ZNF587B: variants seen among roughly 807,000 people sequenced by gnomAD.
The protein encoded by ZNF587B is zinc finger protein 587B.
Under a neutral mutation model 7.2 loss-of-function variants are expected in ZNF587B, and 6 were observed. That is an observed-to-expected ratio of 0.83 (90% CI 0.46 to 1.65). The LOEUF is 1.65. ZNF587B is among the 40% of genes most tolerant of loss of function. The pLI, the probability that ZNF587B is intolerant of heterozygous loss-of-function variation, is 0.01. For missense variants in ZNF587B, 749 were observed against 761.0 expected (o/e 0.98, Z 0.19); for synonymous variants, 274 against 254.3 (o/e 1.08, Z -0.74).
Position 57,842,644 on chromosome 19 carries a change from C to A in ZNF587B, c.*68C>A, listed in dbSNP as rs1988906090. 2.2e-6 allele frequency: 3 copies of A among 1,349,310 alleles called. No homozygotes were observed. The highest frequency in any genetic ancestry group is 4.5e-5 in the South Asian group (2 of 44,018). 83.6% of individuals were successfully genotyped at this position (1,349,310 alleles called of 1,614,324 possible). A position where few individuals can be genotyped will look rare whatever the true frequency, so the allele number is the denominator to read the frequency against. On this transcript the variant is annotated 3_prime_UTR_variant, in exon 3 of 3. Transcript: ENST00000594901. ...ACACCTGAGTAAGATCTTGTGATTGCAGCAAATGTGGAAAATGTTTACCCA... is the reference window on the plus strand; with the variant it reads ...ACACCTGAGTAAGATCTTGTGATTGAAGCAAATGTGGAAAATGTTTACCCA...
chr19:57,838,514 T>C (rs1341226686), intron 1 of ZNF587B, among the ~76,000 whole-genome samples: 2 of 152,102 alleles, frequency 1.3e-5, no homozygotes, highest in African/African-American at 4.8e-5. Flanking sequence ...GGCAGAAGAA[T>C]TGCTGGAACC....
Position 57,843,303 on chromosome 19 carries a change from T to C in ZNF587B, c.*727T>C. The C allele has an allele frequency of 1.0e-6, 1 of 985,432 alleles. No homozygotes were observed. The highest frequency in any genetic ancestry group is 1.2e-6 in the Non-Finnish European group (1 of 829,926). 61.0% of individuals were successfully genotyped at this position (985,432 alleles called of 1,614,324 possible). A position where few individuals can be genotyped will look rare whatever the true frequency, so the allele number is the denominator to read the frequency against. On this transcript the variant is annotated 3_prime_UTR_variant, in exon 3 of 3. Transcript: ENST00000594901. ...CACTGTGCTCAGCCAATTATGTTTTTCTGTGTAACATGGGAGGAGATCCTT... is the reference window on the plus strand; with the variant it reads ...CACTGTGCTCAGCCAATTATGTTTTCCTGTGTAACATGGGAGGAGATCCTT...
At position 57,843,066 on chromosome 19, in the gene ZNF587B, G is replaced by A. The variant is rs1490784905; in HGVS notation, c.*490G>A. The A allele has an allele frequency of 1.2e-6, 1 of 820,640 alleles. No homozygotes were observed. The highest frequency in any genetic ancestry group is 1.5e-6 in the Non-Finnish European group (1 of 679,732). The allele number at this position is 820,640 out of a possible 1,614,324, so 50.8% of individuals were successfully genotyped here. A position where few individuals can be genotyped will look rare whatever the true frequency, so the allele number is the denominator to read the frequency against. On this transcript the variant is annotated 3_prime_UTR_variant, in exon 3 of 3. Transcript: ENST00000594901. ...GCTGGTGTGCAGTGCTGCGATCGTA[G>A]CTCACTGCATCCTCCGCCCCCTAGG...
intron 1 of ZNF587B, among the ~76,000 whole-genome samples, chr19:57,837,916 G>C (rs771872562): frequency 6.6e-6 from 1 of 152,086 alleles, no homozygotes; most frequent in Admixed American, 6.6e-5. Context: ...TGCTCTTGAC[G>C]ACATCTGTAG....
At position 57,842,020 on chromosome 19, in the gene ZNF587B, A is replaced by C. The variant is rs1197692734; in HGVS notation, c.1346A>C (p.His449Pro). The C allele has an allele frequency of 6.3e-7, 1 of 1,596,868 alleles. No homozygotes were observed. The highest frequency in any genetic ancestry group is 8.5e-7 in the Non-Finnish European group (1 of 1,171,464). Residue 449 changes from histidine (H) to proline (P), a missense_variant, in exon 3 of 3, where the codon CAC becomes CCC. His to Pro is a moderately conservative substitution (Grantham distance 77). This residue lies in a region of ZNF587B where 656 missense variants were observed against 596.5 expected (regional missense o/e 1.10). Coordinates refer to ENST00000594901, the MANE Select transcript of ZNF587B (RefSeq NM_001376223.1). ...KCGECGKCFS[H>P]KGNLILHQHG... ...GGGGAATGTGGGAAATGTTTTAGTC[A>C]CAAGGGTAACCTCATTCTACACCAG...
In ZNF587B at chr19:57,841,533, C is replaced by T; in HGVS notation, c.859C>T (p.Gln287Ter). 2 of 1,581,700 alleles carry T rather than the reference C, an allele frequency of 1.3e-6. No individual in the cohort carries two copies. The highest frequency in any genetic ancestry group is 2.3e-5 in the East Asian group (1 of 43,168). The change falls in exon 3 of 3, where the codon CAA becomes TAA. Residue 287 changes from glutamine (Q) to a stop codon, truncating the protein, a stop_gained. Coordinates refer to ENST00000594901, the MANE Select transcript of ZNF587B (RefSeq NM_001376223.1). LOFTEE classifies it low-confidence loss of function (END_TRUNC). ...KSFSQKSSLIQHQQFHTGGKP... is the reference protein window; with the variant it reads ...KSFSQKSSLI ...TTTTAGTCAAAAGAGCAGCCTCATT[C>T]AACATCAGCAATTTCACACTGGAGG...
intron 2 of ZNF587B, among the ~76,000 whole-genome samples, chr19:57,840,384 T>A (rs1362411890): frequency 1.3e-5 from 2 of 152,180 alleles, no homozygotes; most frequent in Non-Finnish European, 2.9e-5. Context: ...CTCATCCATT[T>A]TACATATGTC....
chr19:57,843,587 G>GTT lies in ZNF587B; in HGVS notation c.*1012_*1013dup, dbSNP rs1324065807. 3.3e-3 allele frequency: 2,459 copies of GTT among 754,566 alleles called. 66 individuals are homozygous for GTT. The highest frequency in any genetic ancestry group is 3.3e-3 in the East Asian group (21 of 6,390). 46.7% of individuals were successfully genotyped at this position (754,566 alleles called of 1,614,324 possible). On this transcript the variant is annotated 3_prime_UTR_variant, in exon 3 of 3. Coordinates refer to ENST00000594901, the MANE Select transcript of ZNF587B (RefSeq NM_001376223.1). ...GTTTGGTTGGTTGGTTGGTTGGTTG[G>GTT]TTGTTTTTTTTTGTTTTTTTTTTTT...
Position 57,841,896 on chromosome 19 carries a change from A to C in ZNF587B, c.1222A>C (p.Arg408=). 6.2e-7 allele frequency: 1 copy of C among 1,613,924 alleles called. No individual in the cohort carries two copies. Among genetic ancestry groups the C allele is most frequent in the South Asian group, 1.1e-5 (1 of 91,056 alleles). The change falls in exon 3 of 3, where the codon AGA becomes CGA. Residue 408 remains arginine (R), a synonymous_variant. Transcript: ENST00000594901. The part of the protein sequence containing the change: ...RIHQRMHTGE[R]PYKCGDCGKS... ...CCATCAGCGCATGCACACTGGAGAAAGACCTTACAAGTGTGGAGACTGTGG... is the reference window on the plus strand; with the variant it reads ...CCATCAGCGCATGCACACTGGAGAACGACCTTACAAGTGTGGAGACTGTGG...
In ZNF587B at chr19:57,842,754, C is replaced by G; in HGVS notation, c.*178C>G. On this transcript the variant is annotated 3_prime_UTR_variant, in exon 3 of 3. Coordinates refer to ENST00000594901, the MANE Select transcript of ZNF587B (RefSeq NM_001376223.1). ...TAAAATAAATTTGGCAGTTTTGTAG[C>G]CACACCTCTGTATTCCTTCAGGATT... is the stretch of plus-strand genomic sequence containing the variant. 1.0e-6 allele frequency: 1 copy of G among 985,422 alleles called. No homozygotes were observed. The allele number at this position is 985,422 out of a possible 1,614,324, so 61.0% of individuals were successfully genotyped here. A position where few individuals can be genotyped will look rare whatever the true frequency, so the allele number is the denominator to read the frequency against.
chr19:57,839,254 T>C (rs1988748532), intron 2 of ZNF587B, 105 bp downstream of exon 2: 1 of 1,526,934 alleles, frequency 6.5e-7, no homozygotes, highest in East Asian at 2.3e-5. Context: ...CACAGCTTCC[T>C]GCTTCAGTTC....
intron 1 of ZNF587B, among the ~76,000 whole-genome samples, chr19:57,831,047 G>T (rs1988366317): frequency 6.6e-6 from 1 of 152,182 alleles, no homozygotes; most frequent in African/African-American, 2.4e-5. Flanking sequence ...TAGATGGGGG[G>T]CTTTGGGCGT....
Position 57,842,075 on chromosome 19 carries a change from G to T in ZNF587B, c.1401G>T (p.Met467Ile). Residue 467 changes from methionine to isoleucine, a missense_variant, in exon 3 of 3, where the codon ATG becomes ATT. By Grantham distance (10) the Met-to-Ile change is conservative. Coordinates refer to ENST00000594901, the MANE Select transcript of ZNF587B (RefSeq NM_001376223.1). ...GCCATACTAGAAAAAGGCCTTATATGTGTTGGGAATGTGGAAAATTATTTA... is the reference window on the plus strand; with the variant it reads ...GCCATACTAGAAAAAGGCCTTATATTTGTTGGGAATGTGGAAAATTATTTA... ...QHGHTRKRPY[M>I]CWECGKLFKK... The T allele has an allele frequency of 6.3e-7, 1 of 1,591,938 alleles. No homozygotes were observed. Among genetic ancestry groups the T allele is most frequent in the Non-Finnish European group, 8.6e-7 (1 of 1,168,528 alleles).
At chr19:57,840,715 A>G in intron 2 of ZNF587B, 123 bp from the exon 3 acceptor site, 1 of 1,593,810 alleles carries the variant, frequency 6.3e-7, no homozygotes, top group Non-Finnish European at 8.5e-7. Flanking sequence ...ATCTGAAGCC[A>G]ACATCCTGTT....
In ZNF587B at chr19:57,841,652, T is replaced by G; in HGVS notation, c.978T>G (p.Tyr326Ter). The stretch of plus-strand genomic sequence containing the variant: ...AAGTTCACGCTGGAAAAGGGCCTTA[T>G]GAGTGTGGAGAATGTGGGAAATCTT... The part of the protein sequence containing the change: ...HQKVHAGKGP[Y>*]ECGECGKSFS... The change falls in exon 3 of 3, where the codon TAT (tyrosine) becomes TAG (stop). Residue 326 changes from tyrosine to a stop codon, truncating the protein, a stop_gained. Coordinates refer to ENST00000594901, the MANE Select transcript of ZNF587B (RefSeq NM_001376223.1). LOFTEE classifies it low-confidence loss of function (END_TRUNC). 1 of 1,602,630 alleles carries G rather than the reference T, an allele frequency of 6.2e-7. No individual in the cohort carries two copies. Among genetic ancestry groups the G allele is most frequent in the Non-Finnish European group, 8.5e-7 (1 of 1,174,486 alleles).
rs1988886502 is a variant in ZNF587B, at chr19:57,842,165, G to T, written c.1491G>T (p.Glu497Asp). 1 of 1,612,818 alleles carries T rather than the reference G, an allele frequency of 6.2e-7. No individual in the cohort carries two copies. The change falls in exon 3 of 3, where the codon GAG becomes GAT. Residue 497 changes from glutamate to aspartate, a missense_variant. Physicochemically the swap from Glu to Asp is conservative, Grantham distance 45. Transcript: ENST00000594901. ...GTGGAGAGAAGCCATATGCTTGTGAGGCTTGTCAGAAATTTTTTAGGCACA... is the reference window on the plus strand; with the variant it reads ...GTGGAGAGAAGCCATATGCTTGTGATGCTTGTCAGAAATTTTTTAGGCACA... ...IHSGEKPYAC[E>D]ACQKFFRHKC...
chr19:57,841,896 A>G lies in ZNF587B; in HGVS notation c.1222A>G (p.Arg408Gly). 6.2e-7 allele frequency: 1 copy of G among 1,613,924 alleles called. No homozygotes were observed. The highest frequency in any genetic ancestry group is 1.1e-5 in the South Asian group (1 of 91,056). ...CCATCAGCGCATGCACACTGGAGAA[A>G]GACCTTACAAGTGTGGAGACTGTGG... ...RIHQRMHTGE[R>G]PYKCGDCGKS... Residue 408 changes from arginine (R) to glycine (G), a missense_variant, in exon 3 of 3, where the codon AGA (arginine) becomes GGA (glycine). By Grantham distance (125) the Arg-to-Gly change is moderately radical. Coordinates refer to ENST00000594901, the MANE Select transcript of ZNF587B (RefSeq NM_001376223.1).
In ZNF587B at chr19:57,830,466, C is replaced by A; in HGVS notation, c.-63C>A. ...ACCCCTGGGCCAGGATAGGGACCGT[C>A]ATGCCCATATCTCCTGGCTGGTCAC... On this transcript the variant is annotated 5_prime_UTR_variant, in exon 1 of 3. Transcript: ENST00000594901. The A allele has an allele frequency of 6.5e-7, 1 of 1,533,336 alleles. No individual in the cohort carries two copies. 95.0% of individuals were successfully genotyped at this position (1,533,336 alleles called of 1,614,324 possible).
Position 57,839,348 on chromosome 19 carries a change from G to T in ZNF587B, c.163+199G>T, listed in dbSNP as rs1323385381. Among the ~76,000 whole-genome samples the T allele has an allele frequency of 2.6e-5, 4 of 152,296 alleles. No homozygotes were observed. The East Asian group carries it at 5.8e-4, about 22-fold the overall frequency. On this transcript the variant is annotated intron_variant, in intron 2 of 2. Coordinates refer to ENST00000594901, the MANE Select transcript of ZNF587B (RefSeq NM_001376223.1). ...GAGCAGCCCCAGCACCTGCTTTACT[G>T]CAGGCTCCCAGGGAGGGATTCCCAG...
Sources: allele counts gnomAD v4.1 joint callset (sites outside exome capture counted in the v4.1 genomes callset), GRCh38; gene constraint gnomAD v4.1.1; regional missense constraint gnomAD v4.1.1; transcripts MANE v1.5; gene names NCBI Gene and HGNC (gene_info 2026-07-23, HGNC 2026-07-21).